CDC25C: variants seen among roughly 807,000 people sequenced by gnomAD.
The protein encoded by CDC25C is cell division cycle 25C.
Under a neutral mutation model 52.5 loss-of-function variants are expected in CDC25C, and 48 were observed. The observed-to-expected ratio is 0.91, with a 90% CI of 0.72 to 1.16. CDC25C has a LOEUF of 1.16. CDC25C is among the 50% of genes most tolerant of loss of function. The pLI is 0.00. For synonymous variants in CDC25C, 187 were observed against 206.5 expected (o/e 0.91, Z 0.81); for missense variants, 510 against 566.1 (o/e 0.90, Z 1.01).
Position 138,338,242 on chromosome 5 carries a change from C to CA in CDC25C, c.-275dup, listed in dbSNP as rs1561738158. On this transcript the variant is annotated 5_prime_UTR_variant, in exon 1 of 6. Transcript: ENST00000510119. ...GGTTCGCGCCAGCGCCTTTTAAGGGCACCGTGGGGCGAACCGAGCGCTCAG... is the reference window on the plus strand; with the variant it reads ...GGTTCGCGCCAGCGCCTTTTAAGGGCAACCGTGGGGCGAACCGAGCGCTCAG... 2.6e-6 allele frequency: 3 copies of CA among 1,174,414 alleles called. No individual in the cohort carries two copies. The South Asian group carries it at 3.8e-5, about 15-fold the overall frequency. The allele number at this position is 1,174,414 out of a possible 1,614,324, so 72.7% of individuals were successfully genotyped here.
chr5:138,310,687 C>T (rs528000909), intron 7 of CDC25C, among the ~76,000 whole-genome samples: 2 of 152,188 alleles, frequency 1.3e-5, no homozygotes, highest in Non-Finnish European at 2.9e-5. Context: ...GACTCACCTA[C>T]AGTCATATAT....
intron 6 of CDC25C, among the ~76,000 whole-genome samples, chr5:138,325,536 C>G (rs1306549131): frequency 1.3e-5 from 2 of 152,142 alleles, no homozygotes; most frequent in African/African-American, 4.8e-5. Context: ...ACTCCTAAAT[C>G]CCTTACACTA....
At position 138,319,030 on chromosome 5, in the gene CDC25C, G is replaced by A. The variant is rs919489669; in HGVS notation, c.615+189C>T. Among the ~76,000 whole-genome samples, 10 of 152,136 alleles carry A rather than the reference G, an allele frequency of 6.6e-5. No homozygotes were observed. In the South Asian group the frequency reaches 2.1e-3, roughly 32 times the overall value. On this transcript the variant is annotated intron_variant, in intron 7 of 13. Coordinates refer to ENST00000323760, the MANE Select transcript of CDC25C (RefSeq NM_001790.5). ...TTTCTGTACTTCATTTCCATTTTCT[G>A]TCCATAATACTGCCTGACCACATGG...
At chr5:138,295,403 A>G (rs1028980991) in intron 7 of CDC25C, among the ~76,000 whole-genome samples, 2 of 152,208 alleles carry the variant, frequency 1.3e-5, no homozygotes, top group African/African-American at 4.8e-5. Flanking sequence ...GCTTGAGTCC[A>G]GTAGTTCAAA....
At chr5:138,308,675 C>G (rs1758217672) in intron 7 of CDC25C, among the ~76,000 whole-genome samples, 1 of 152,088 alleles carries the variant, frequency 6.6e-6, no homozygotes, top group African/African-American at 2.4e-5. Context: ...AACACCCATC[C>G]TGCCTTCTTC....
At chr5:138,307,428 A>G (rs999506876) in intron 7 of CDC25C, among the ~76,000 whole-genome samples, 1 of 139,976 alleles carries the variant, frequency 7.1e-6, no homozygotes, top group African/African-American at 2.7e-5. Flanking sequence ...GGAGGTTGTG[A>G]CCTGCAGTGA....
chr5:138,292,868 C>T (rs1221533114), intron 7 of CDC25C, among the ~76,000 whole-genome samples: 1 of 152,174 alleles, frequency 6.6e-6, no homozygotes, highest in Non-Finnish European at 1.5e-5. Context: ...ATCCACAATT[C>T]TATCCTCTGT....
At chr5:138,311,658 C>G (rs1183687651) in intron 7 of CDC25C, among the ~76,000 whole-genome samples, 1 of 152,040 alleles carries the variant, frequency 6.6e-6, no homozygotes, top group African/African-American at 2.4e-5. Flanking sequence ...AATGATTTCT[C>G]AGATATGACA....
rs949070429 is a variant in CDC25C at position 138,289,513 on chromosome 5, G to A, written c.915C>T (p.Val305=). Residue 305 remains valine (V), a synonymous_variant, in exon 10 of 14, where the codon GTC becomes GTT. Transcript: ENST00000323760. ...GAAATCTGCTTACTGTTTCTGGGTT[G>A]ACATACTTCAGATCTTGGTGTTTCC... ...VSGKHQDLKY[V]NPETVAALLS... is the part of the protein sequence containing the mutation. 1.2e-6 allele frequency: 2 copies of A among 1,613,006 alleles called. No individual in the cohort carries two copies. Among genetic ancestry groups the A allele is most frequent in the Non-Finnish European group, 8.5e-7 (1 of 1,178,990 alleles).
intron 6 of CDC25C, among the ~76,000 whole-genome samples, chr5:138,321,474 C>T (rs146726565): frequency 6.6e-6 from 1 of 152,196 alleles, no homozygotes; most frequent in Admixed American, 6.6e-5. Context: ...AACTTAGTGG[C>T]CAGGCGCGGT....
At chr5:138,334,442 C>A (rs114645901), upstream of CDC25C, among the ~76,000 whole-genome samples, 1 of 152,110 alleles carries the variant, frequency 6.6e-6, no homozygotes, top group East Asian at 1.9e-4. Flanking sequence ...CTCACTGCAA[C>A]CTCTGTTCAA....
intron 7 of CDC25C, among the ~76,000 whole-genome samples, chr5:138,310,265 C>T (rs1461917993): frequency 2.0e-5 from 3 of 152,156 alleles, no homozygotes; most frequent in Non-Finnish European, 4.4e-5. Flanking sequence ...CCAGAACATT[C>T]TTGTAGGAAG....
chr5:138,295,680 A>G (rs1757126865), intron 7 of CDC25C, among the ~76,000 whole-genome samples: 2 of 152,110 alleles, frequency 1.3e-5, no homozygotes, highest in Non-Finnish European at 2.9e-5. Flanking sequence ...ATGAAAATAA[A>G]TGTCAACTGA....
At chr5:138,318,693 C>T (rs756117823) in intron 7 of CDC25C, among the ~76,000 whole-genome samples, 2 of 151,894 alleles carry the variant, frequency 1.3e-5, no homozygotes, top group Non-Finnish European at 2.9e-5. Context: ...CCAGCCTAGG[C>T]GACAGAGCGA....
Position 138,286,563 on chromosome 5 carries a change from A to G in CDC25C, c.1094T>C (p.Leu365Ser). ...GATGATTATTCTCTTCTGGGTGTCCAAAGGGACGATGGGCTTCTTCAGAAA... is the reference window on the plus strand; with the variant it reads ...GATGATTATTCTCTTCTGGGTGTCCGAAGGGACGATGGGCTTCTTCAGAAA... ...NFFLKKPIVPLDTQKRIIIVF... is the reference protein window; with the variant it reads ...NFFLKKPIVPSDTQKRIIIVF... The change falls in exon 12 of 14, where the codon TTG (leucine) becomes TCG (serine). Residue 365 changes from leucine to serine, a missense_variant. Coordinates refer to ENST00000323760, the MANE Select transcript of CDC25C (RefSeq NM_001790.5). 6.2e-7 allele frequency: 1 copy of G among 1,614,094 alleles called. No individual in the cohort carries two copies. Among genetic ancestry groups the G allele is most frequent in the African/African-American group, 1.3e-5 (1 of 75,062 alleles).
chr5:138,289,476 T>C, intron 10 of CDC25C, 25 bp downstream of exon 10: 1 of 1,556,364 alleles, frequency 6.4e-7, no homozygotes, highest in Non-Finnish European at 8.9e-7. Context: ...ATGTAACCAG[T>C]TACCATCTCC....
At position 138,290,698 on chromosome 5, in the gene CDC25C, T is replaced by C. The variant is rs140665692; in HGVS notation, c.805A>G (p.Ile269Val). The C allele has an allele frequency of 1.3e-5, 21 of 1,611,714 alleles. No individual in the cohort carries two copies. The highest frequency in any genetic ancestry group is 4.5e-5 in the East Asian group (2 of 44,864). ...KKTVSLCDIT[I>V]TQMLEEDSNQ... Reference sequence around the variant, plus strand: ...GAATCTTCCTCCAGCATCTGAGTGATAGTAATGTCACACAGAGAGACTGTC... The same window carrying C: ...GAATCTTCCTCCAGCATCTGAGTGACAGTAATGTCACACAGAGAGACTGTC... Residue 269 changes from isoleucine (I) to valine (V), a missense_variant, in exon 9 of 14, where the codon ATC (isoleucine) becomes GTC (valine). Ile to Val is a conservative substitution (Grantham distance 29). Transcript: ENST00000323760.
At chr5:138,319,887 T>C (rs1302842653) in intron 6 of CDC25C, among the ~76,000 whole-genome samples, 1 of 152,224 alleles carries the variant, frequency 6.6e-6, no homozygotes, top group Non-Finnish European at 1.5e-5. Context: ...GTTTGTGCAT[T>C]GCTGGTGGGA....
chr5:138,288,071 T>C (rs1756396908), intron 10 of CDC25C, among the ~76,000 whole-genome samples: 1 of 152,110 alleles, frequency 6.6e-6, no homozygotes, highest in Admixed American at 6.6e-5. Flanking sequence ...ACGTTCATCA[T>C]GATCCTTTTT....
Sources: gnomAD v4.1 joint callset for allele counts (sites outside exome capture counted in the v4.1 genomes callset) on GRCh38, gnomAD v4.1.1 for gene constraint, MANE v1.5 for transcripts, NCBI Gene and HGNC (gene_info 2026-07-23, HGNC 2026-07-21) for gene names.